The following CASD1 variants were observed in gnomAD, a reference collection of about 807,000 sequenced individuals.
CASD1 encodes the protein N-acetylneuraminate (7)9-O-acetyltransferase.
Under a neutral mutation model 100.0 loss-of-function variants are expected in CASD1, and 41 were observed. The ratio of observed to expected loss-of-function variants is 0.41; its 90% confidence interval spans 0.32 to 0.53. The LOEUF is 0.53. Among genes scored for constraint, CASD1 ranks in the 20% least tolerant of loss-of-function variants. CASD1 has a pLI of 0.25. For synonymous variants in CASD1, 321 were observed against 315.6 expected (o/e 1.02, Z -0.18); for missense variants, 774 against 948.7 (o/e 0.82, Z 2.42).
chr7:94,605,180 C>A, the CASD1 span, among the ~76,000 whole-genome samples: 2 of 151,962 alleles, frequency 1.3e-5, no homozygotes, highest in African/African-American at 4.8e-5. Context: ...TCAGATATGG[C>A]AGAGATGTTG....
chr7:94,625,999 C>CCCACAT, the CASD1 span: 1 of 152,048 alleles, frequency 6.6e-6, no homozygotes, highest in Non-Finnish European at 1.5e-5. Context: ...GATGCCAACT[C>CCCACAT]CCACATCCAC....
intron 1 of CASD1, among the ~76,000 whole-genome samples, chr7:94,515,688 CAAAGACA>C (rs1251427426): frequency 2.0e-5 from 3 of 151,648 alleles, no homozygotes; most frequent in Non-Finnish European, 2.9e-5. Flanking sequence ...GCTTTTAGTT[CAAAGACA>C]AAAGACAAAA....
the CASD1 span, among the ~76,000 whole-genome samples, chr7:94,580,121 T>A: frequency 2.0e-4 from 30 of 152,240 alleles, no homozygotes; most frequent in Non-Finnish European, 3.4e-4. Context: ...GATTTCAGAC[T>A]GGTATAACCA....
intron 3 of CASD1, among the ~76,000 whole-genome samples, chr7:94,522,324 C>T (rs994334792): frequency 2.0e-5 from 3 of 152,146 alleles, no homozygotes; most frequent in African/African-American, 7.2e-5. Context: ...GATTTTAAGG[C>T]AAAAGCATTT....
chr7:94,617,436 T>C, the CASD1 span: 1 of 152,336 alleles, frequency 6.6e-6, no homozygotes, highest in East Asian at 1.9e-4. Context: ...GTTTTAACAA[T>C]TGTGGAACAC....
At chr7:94,581,237 A>G in the CASD1 span, among the ~76,000 whole-genome samples, 1 of 152,222 alleles carries the variant, frequency 6.6e-6, no homozygotes, top group Non-Finnish European at 1.5e-5. Flanking sequence ...TCTTCCCAGG[A>G]AAGTGGTACC....
Position 94,510,108 on chromosome 7 carries a change from G to A in CASD1, c.24G>A (p.Leu8=), listed in dbSNP as rs778215997. 6.5e-7 allele frequency: 1 copy of A among 1,529,816 alleles called. No homozygotes were observed. The highest frequency in any genetic ancestry group is 8.8e-7 in the Non-Finnish European group (1 of 1,137,052). The allele number at this position is 1,529,816 out of a possible 1,614,324, so 94.8% of individuals were successfully genotyped here. A position where few individuals can be genotyped will look rare whatever the true frequency, so the allele number is the denominator to read the frequency against. The part of the protein sequence containing the change: MAALAYN[L]GKREINHYFS... ...AGATGGCGGCTCTGGCCTACAACCT[G>A]GGCAAGCGGGAGATCAACCACTACT... Residue 8 remains leucine, a synonymous_variant, in exon 1 of 18, where the codon CTG becomes CTA. Transcript: ENST00000297273.
At position 94,551,464 on chromosome 7, in the gene CASD1, G is replaced by T. The variant is rs747385724; in HGVS notation, c.1942G>T (p.Val648Leu). The T allele has an allele frequency of 6.8e-7, 1 of 1,477,178 alleles. No individual in the cohort carries two copies. The highest frequency in any genetic ancestry group is 1.8e-4 in the Middle Eastern group (1 of 5,596). The allele number at this position is 1,477,178 out of a possible 1,614,324, so 91.5% of individuals were successfully genotyped here. ...TTCAAATTTTCTGTTGTTTATTTCA[G>T]TAGTTTCTTTCTTGGTAAGTTTTGA... ...KISNFLLFIS[V>L]VSFLTYSIWA... Residue 648 changes from valine (V) to leucine (L), a missense_variant, in exon 15 of 18, where the codon GTA (valine) becomes TTA (leucine). Physicochemically the swap from Val to Leu is conservative, Grantham distance 32. This residue lies in a region of CASD1 where 175 missense variants were observed against 206.9 expected (regional missense o/e 0.85). Transcript: ENST00000297273.
chr7:94,535,049 C>T (rs117088506), intron 7 of CASD1, among the ~76,000 whole-genome samples: 1,958 of 152,126 alleles, frequency 0.013, 19 homozygotes, highest in East Asian at 0.022. Flanking sequence ...AAAATATTTC[C>T]GCAAATCTGT....
At chr7:94,586,683 G>C in the CASD1 span, 2 of 210,492 alleles carry the variant, frequency 9.5e-6, no homozygotes, top group Admixed American at 1.3e-4. Flanking sequence ...TATTTTTTTA[G>C]TAGAGACAGG....
chr7:94,603,463 G>A, the CASD1 span: 1 of 1,611,770 alleles, frequency 6.2e-7, no homozygotes, highest in Non-Finnish European at 8.5e-7. Context: ...CTGTAAAAAT[G>A]TGAAACTCTC....
At chr7:94,513,797 C>T (rs1312906508) in intron 1 of CASD1, among the ~76,000 whole-genome samples, 1 of 152,162 alleles carries the variant, frequency 6.6e-6, no homozygotes, top group Non-Finnish European at 1.5e-5. Context: ...GTCCTTATTT[C>T]CTTTTATGTT....
At chr7:94,585,433 A>G in the CASD1 span, 4 of 1,475,506 alleles carry the variant, frequency 2.7e-6, no homozygotes, top group African/African-American at 4.2e-5. Flanking sequence ...TGGAAGAGAA[A>G]AGAAATGTGA....
intron 13 of CASD1, among the ~76,000 whole-genome samples, chr7:94,547,939 G>A: frequency 6.6e-6 from 1 of 151,156 alleles, no homozygotes. Context: ...TATGCCGTTT[G>A]GGTTTTTTTT....
the CASD1 span, among the ~76,000 whole-genome samples, chr7:94,605,311 A>G: frequency 1.3e-5 from 2 of 150,420 alleles, no homozygotes; most frequent in South Asian, 2.1e-4. Flanking sequence ...GGAAAATGAT[A>G]TAAGTCAGAA....
chr7:94,611,815 C>T, the CASD1 span, among the ~76,000 whole-genome samples: 1 of 152,054 alleles, frequency 6.6e-6, no homozygotes, highest in South Asian at 2.1e-4. Context: ...CTCTACACAT[C>T]AAATTTATAT....
At chr7:94,578,454 T>A in the CASD1 span, among the ~76,000 whole-genome samples, 70 of 152,312 alleles carry the variant, frequency 4.6e-4, no homozygotes, top group Non-Finnish European at 9.3e-4. Flanking sequence ...CAACTGCCTG[T>A]AGTATATAAA....
At chr7:94,609,921 C>T in the CASD1 span, among the ~76,000 whole-genome samples, 1 of 152,182 alleles carries the variant, frequency 6.6e-6, no homozygotes, top group Non-Finnish European at 1.5e-5. Flanking sequence ...TCTATAGCAG[C>T]TTTGTTCATG....
downstream of CASD1, among the ~76,000 whole-genome samples, chr7:94,559,557 G>A (rs985017644): frequency 6.6e-6 from 1 of 151,812 alleles, no homozygotes; most frequent in Admixed American, 6.6e-5. Flanking sequence ...AGGCAGTCTC[G>A]CTCTCTTGCC....
Sources: allele counts gnomAD v4.1 joint callset (sites outside exome capture counted in the v4.1 genomes callset), GRCh38; gene constraint gnomAD v4.1.1; regional missense constraint gnomAD v4.1.1; transcripts MANE v1.5; gene names NCBI Gene and HGNC (gene_info 2026-07-23, HGNC 2026-07-21).